Variants in DLAT observed in about 807,000 individuals in gnomAD.
DLAT encodes dihydrolipoamide S-acetyltransferase, also known as dihydrolipoyllysine-residue acetyltransferase component of pyruvate dehydrogenase complex, mitochondrial.
A neutral mutation model predicts 68.0 loss-of-function variants in DLAT; 43 were observed. That is an observed-to-expected ratio of 0.63 (90% confidence interval 0.50 to 0.81). DLAT has a LOEUF of 0.81. Among genes scored for constraint, DLAT ranks in the 40% least tolerant of loss-of-function variants. The pLI is 0.00. For synonymous variants in DLAT, 265 were observed against 288.6 expected (o/e 0.92, Z 0.83); for missense variants, 745 against 815.4 (o/e 0.91, Z 1.05).
At chr11:112,026,896 C>T (rs1862054252) in intron 2 of DLAT, among the ~76,000 whole-genome samples, 1 of 151,406 alleles carries the variant, frequency 6.6e-6, no homozygotes, top group Non-Finnish European at 1.5e-5. Context: ...GGCGGCTGGG[C>T]AGAGGCGCCC....
intron 5 of DLAT, among the ~76,000 whole-genome samples, chr11:112,035,973 T>C (rs1466224540): frequency 2.7e-5 from 4 of 147,034 alleles, no homozygotes; most frequent in Non-Finnish European, 6.0e-5. Context: ...GTATTTTTAG[T>C]GGAGATGGGG....
intron 11 of DLAT, among the ~76,000 whole-genome samples, chr11:112,054,571 T>C (rs1555182300): frequency 6.6e-6 from 1 of 152,216 alleles, no homozygotes; most frequent in Non-Finnish European, 1.5e-5. Flanking sequence ...ATTAAACCAT[T>C]TCTCAATCTG....
intron 7 of DLAT, among the ~76,000 whole-genome samples, chr11:112,040,818 AT>A (rs1555180962): frequency 1.3e-5 from 2 of 152,142 alleles, no homozygotes; most frequent in African/African-American, 4.8e-5. Context: ...TATCTAAAGA[AT>A]TTAGACAAGC....
chr11:112,057,995 GA>G (rs1360560849), intron 11 of DLAT, among the ~76,000 whole-genome samples: 1 of 152,304 alleles, frequency 6.6e-6, no homozygotes, highest in East Asian at 1.9e-4. Context: ...TATGTACTAG[GA>G]GATCAGAAAA....
At chr11:112,055,534 G>A (rs782554611) in intron 11 of DLAT, among the ~76,000 whole-genome samples, 23 of 151,664 alleles carry the variant, frequency 1.5e-4, no homozygotes, top group Non-Finnish European at 3.1e-4. Flanking sequence ...GTGAGCCACC[G>A]CGCCCGGCCA....
At chr11:112,036,214 T>G (rs1198238451) in intron 5 of DLAT, among the ~76,000 whole-genome samples, 2,049 of 107,434 alleles carry the variant, frequency 0.019, 49 homozygotes, top group African/African-American at 0.075. Context: ...TTTTTTTTTT[T>G]TTTTTTTTTT....
intron 12 of DLAT, among the ~76,000 whole-genome samples, 177 bp from the exon 13 acceptor site, chr11:112,060,861 C>T (rs1423143927): frequency 3.3e-5 from 5 of 152,190 alleles, no homozygotes; most frequent in South Asian, 2.1e-4. Context: ...AGACATTTTC[C>T]GGCTGACATT....
intron 3 of DLAT, 26 bp downstream of exon 3, chr11:112,028,665 G>A: frequency 6.2e-7 from 1 of 1,614,112 alleles, no homozygotes; most frequent in Non-Finnish European, 8.5e-7. Flanking sequence ...ATAATTTGTG[G>A]AACTTCATTG....
chr11:112,062,443 T>A lies in DLAT; in HGVS notation c.1852T>A (p.Cys618Ser). 1 of 1,612,752 alleles carries A rather than the reference T, an allele frequency of 6.2e-7. No homozygotes were observed. The highest frequency in any genetic ancestry group is 8.5e-7 in the Non-Finnish European group (1 of 1,180,012). ...VASMMSVTLS[C>S]DHRVVDGAVG... is the part of the protein sequence containing the mutation. The stretch of plus-strand genomic sequence containing the variant: ...TAGCATGATGTCTGTTACACTCAGT[T>A]GTGATCACCGGGTGGTGGATGGAGC... Residue 618 changes from cysteine (C) to serine (S), a missense_variant, in exon 14 of 14, where the codon TGT becomes AGT. By Grantham distance (112) the Cys-to-Ser change is moderately radical. Coordinates refer to ENST00000280346, the MANE Select transcript of DLAT (RefSeq NM_001931.5).
chr11:112,030,233 C>T, intron 4 of DLAT: 17 of 582,008 alleles, frequency 2.9e-5, no homozygotes, highest in South Asian at 2.4e-4. Flanking sequence ...TAGTGCAGAA[C>T]TACCCAAAGT....
intron 10 of DLAT, among the ~76,000 whole-genome samples, chr11:112,048,490 C>T (rs1863441464): frequency 6.6e-6 from 1 of 152,188 alleles, no homozygotes; most frequent in South Asian, 2.1e-4. Flanking sequence ...CTGGCCAGAA[C>T]TTCCAATACT....
At chr11:112,032,633 A>G (rs2137723732) in intron 4 of DLAT, 1 of 152,328 alleles carries the variant, frequency 6.6e-6, no homozygotes, top group Non-Finnish European at 1.5e-5. Flanking sequence ...TTATCTTGGA[A>G]AGATATCTGG....
At chr11:112,039,637 T>C (rs1555180868) in intron 7 of DLAT, among the ~76,000 whole-genome samples, 1 of 152,192 alleles carries the variant, frequency 6.6e-6, no homozygotes, top group East Asian at 1.9e-4. Context: ...ATACCTTTTT[T>C]TTTCCTCTTC....
intron 10 of DLAT, among the ~76,000 whole-genome samples, chr11:112,046,868 T>C (rs587683159): frequency 3.5e-4 from 54 of 152,354 alleles, no homozygotes; most frequent in African/African-American, 1.1e-3. Flanking sequence ...CAGTCTATCA[T>C]TGATGGGCAT....
At position 112,060,077 on chromosome 11, in the gene DLAT, A is replaced by G. The variant is rs1864463094; in HGVS notation, c.1677+12A>G. On this transcript the variant is annotated intron_variant, in intron 12 of 13. Coordinates refer to ENST00000280346, the MANE Select transcript of DLAT (RefSeq NM_001931.5). ...CACATGAATTCCAGGTAGGGTATTA[A>G]TTATTGCTTTCTAATTATGTTATTT... 2.5e-6 allele frequency: 4 copies of G among 1,610,850 alleles called. No individual in the cohort carries two copies. In the South Asian group the frequency reaches 4.4e-5, roughly 18 times the overall value.
At chr11:112,056,973 C>T (rs782636878) in intron 11 of DLAT, among the ~76,000 whole-genome samples, 29 of 152,276 alleles carry the variant, frequency 1.9e-4, no homozygotes, top group Middle Eastern at 3.4e-3. Context: ...CACCATTTTT[C>T]CAACAGCATG....
chr11:112,042,939 G>A (rs1222176419), intron 7 of DLAT, among the ~76,000 whole-genome samples: 2 of 152,140 alleles, frequency 1.3e-5, no homozygotes, highest in Non-Finnish European at 1.5e-5. Flanking sequence ...TGAAAAAATC[G>A]ACTTGATTTG....
intron 4 of DLAT, among the ~76,000 whole-genome samples, chr11:112,031,541 C>T (rs149429699): frequency 0.012 from 1,781 of 151,656 alleles, 22 homozygotes; most frequent in African/African-American, 0.04. Context: ...CTCAGCCTCC[C>T]GACTAGCTGG....
chr11:112,061,730 A>T (rs782160153), intron 13 of DLAT, among the ~76,000 whole-genome samples: 1 of 152,096 alleles, frequency 6.6e-6, no homozygotes, highest in Non-Finnish European at 1.5e-5. Flanking sequence ...GATTACAGGC[A>T]TGTACTACCA....
Sources: gnomAD v4.1 joint callset for allele counts (sites outside exome capture counted in the v4.1 genomes callset) on GRCh38, gnomAD v4.1.1 for gene constraint, MANE v1.5 for transcripts, NCBI Gene and HGNC (gene_info 2026-07-23, HGNC 2026-07-21) for gene names.